Variants in GAPVD1 observed in about 807,000 individuals in gnomAD.
GAPVD1 encodes GTPase activating protein and VPS9 domains 1.
Under a neutral mutation model 155.5 loss-of-function variants are expected in GAPVD1, and 35 were observed. The ratio of observed to expected loss-of-function variants is 0.23; its 90% CI spans 0.17 to 0.30. The LOEUF (loss-of-function observed/expected upper bound fraction) is 0.30. Among genes scored for constraint, GAPVD1 ranks in the 10% least tolerant of loss-of-function variants. The pLI, the probability that GAPVD1 is intolerant of heterozygous loss-of-function variation, is 1.00. For synonymous variants in GAPVD1, 636 were observed against 619.7 expected (o/e 1.03, Z -0.39); for missense variants, 1,429 against 1,775.7 (o/e 0.80, Z 3.51).
chr9:125,347,258 G>A (rs556859606), intron 20 of GAPVD1, among the ~76,000 whole-genome samples: 178 of 152,182 alleles, frequency 1.2e-3, no homozygotes, highest in African/African-American at 4.0e-3. Flanking sequence ...ATTTTATCCA[G>A]TTATGCACTC....
chr9:125,296,198 A>T (rs865921441), intron 3 of GAPVD1, among the ~76,000 whole-genome samples: 12 of 142,976 alleles, frequency 8.4e-5, no homozygotes, highest in Non-Finnish European at 1.1e-4. Context: ...TTTTTTTTTG[A>T]GAGAGAGTCT....
At chr9:125,263,119 TAAAAG>T (rs1588455636) in intron 1 of GAPVD1, among the ~76,000 whole-genome samples, 1 of 152,188 alleles carries the variant, frequency 6.6e-6, no homozygotes, top group Admixed American at 6.5e-5. Flanking sequence ...ATTATGCACT[TAAAAG>T]AAATCTGAGA....
At chr9:125,349,644 G>C (rs1186571381) in intron 21 of GAPVD1, 125 bp downstream of exon 21, 1 of 766,500 alleles carries the variant, frequency 1.3e-6, no homozygotes, top group Non-Finnish European at 2.1e-6. Flanking sequence ...ATGAAATGCT[G>C]TTTACTAAGA....
At chr9:125,304,911 G>C in intron 5 of GAPVD1, 152 bp from the exon 6 acceptor site, 2 of 458,456 alleles carry the variant, frequency 4.4e-6, no homozygotes, top group Non-Finnish European at 8.0e-6. Context: ...CACATTTTTT[G>C]GGGGATACTA....
chr9:125,308,196 C>T (rs1842142718), intron 8 of GAPVD1: 5 of 407,690 alleles, frequency 1.2e-5, no homozygotes, highest in South Asian at 1.1e-4. Context: ...CTATGTAGCC[C>T]TCAGCCTGGT....
chr9:125,265,953 C>T (rs907738102), intron 1 of GAPVD1, among the ~76,000 whole-genome samples: 2 of 145,442 alleles, frequency 1.4e-5, no homozygotes, highest in Non-Finnish European at 3.0e-5. Flanking sequence ...AAACTGCTAC[C>T]GGTTACTGTT....
chr9:125,333,231 C>T (rs1371248362), intron 15 of GAPVD1, among the ~76,000 whole-genome samples: 1 of 151,898 alleles, frequency 6.6e-6, no homozygotes, highest in East Asian at 1.9e-4. Flanking sequence ...CAGGCACCCA[C>T]CACCACGCCC....
At chr9:125,287,557 G>C (rs563514) in intron 2 of GAPVD1, among the ~76,000 whole-genome samples, 136 of 152,260 alleles carry the variant, frequency 8.9e-4, no homozygotes, top group African/African-American at 3.2e-3. Context: ...GCAGGAGCAG[G>C]AAAGTTTATG....
At chr9:125,282,302 T>C (rs1836920456) in intron 2 of GAPVD1, among the ~76,000 whole-genome samples, 1 of 152,086 alleles carries the variant, frequency 6.6e-6, no homozygotes, top group African/African-American at 2.4e-5. Flanking sequence ...ATAAAAAGTT[T>C]TAATTTTTAT....
chr9:125,331,802 T>C, intron 13 of GAPVD1, 124 bp from the exon 14 acceptor site: 1 of 802,536 alleles, frequency 1.2e-6, no homozygotes, highest in South Asian at 1.6e-5. Context: ...AGTCCAGACT[T>C]ACACATGTAT....
intron 19 of GAPVD1, among the ~76,000 whole-genome samples, chr9:125,344,989 A>G (rs1034270993): frequency 1.2e-4 from 18 of 152,018 alleles, no homozygotes; most frequent in Admixed American, 4.6e-4. Flanking sequence ...TCTATATACA[A>G]TTGTCCTTCA....
intron 24 of GAPVD1, 91 bp downstream of exon 24, chr9:125,354,932 A>G (rs1209391726): frequency 2.3e-6 from 2 of 855,904 alleles, no homozygotes; most frequent in East Asian, 2.5e-5. Context: ...AGTTTGTTCA[A>G]GTATCTGCAT....
rs887637092 is a variant in GAPVD1, at chr9:125,362,854, A to C, written c.*108A>C. ...TGAAGATTGTTTTGTATGATACTGC[A>C]CAGCATCAGGCATTTTAAAGCAGAT... On this transcript the variant is annotated 3_prime_UTR_variant, in exon 28 of 28. Coordinates refer to ENST00000297933, the MANE Select transcript of GAPVD1 (RefSeq NM_001282680.3). 23 of 900,230 alleles carry C rather than the reference A, an allele frequency of 2.6e-5. No individual in the cohort carries two copies. In the Admixed American group the frequency reaches 6.2e-4, roughly 24 times the overall value. 55.8% of individuals were successfully genotyped at this position (900,230 alleles called of 1,614,324 possible). A position where few individuals can be genotyped will look rare whatever the true frequency, so the allele number is the denominator to read the frequency against.
chr9:125,262,859 G>A (rs1833159256), intron 1 of GAPVD1, among the ~76,000 whole-genome samples: 1 of 152,154 alleles, frequency 6.6e-6, no homozygotes, highest in Non-Finnish European at 1.5e-5. Flanking sequence ...AGCCAGAGTA[G>A]CATTAGCAGC....
intron 16 of GAPVD1, 25 bp from the exon 17 acceptor site, chr9:125,337,196 C>G (rs1376568302): frequency 6.2e-7 from 1 of 1,612,234 alleles, no homozygotes; most frequent in East Asian, 2.2e-5. Flanking sequence ...GTCTCAGTTA[C>G]AAAACTTTTT....
chr9:125,305,366 A>T, intron 6 of GAPVD1, among the ~76,000 whole-genome samples: 1 of 145,238 alleles, frequency 6.9e-6, no homozygotes, highest in African/African-American at 2.6e-5. Context: ...ATTTTATTTT[A>T]AAAAGTTTTT....
chr9:125,300,670 A>G (rs1399442041), intron 4 of GAPVD1, among the ~76,000 whole-genome samples: 1 of 152,070 alleles, frequency 6.6e-6, no homozygotes, highest in Non-Finnish European at 1.5e-5. Context: ...GGGCACGTGA[A>G]AGCGTTCTTG....
At chr9:125,327,333 AT>A (rs1402975199) in intron 12 of GAPVD1, among the ~76,000 whole-genome samples, 1 of 151,966 alleles carries the variant, frequency 6.6e-6, no homozygotes, top group Non-Finnish European at 1.5e-5. Flanking sequence ...ATCATGGAAA[AT>A]TTATTGATAT....
In GAPVD1 at chr9:125,366,992, T is replaced by A. The variant is rs1851500577; in HGVS notation, c.*4246T>A. 6.6e-6 allele frequency: 1 copy of A among 152,210 alleles called. No individual in the cohort carries two copies. Among genetic ancestry groups the A allele is most frequent in the Non-Finnish European group, 1.5e-5 (1 of 68,052 alleles). 9.4% of individuals were successfully genotyped at this position (152,210 alleles called of 1,614,324 possible). On this transcript the variant is annotated 3_prime_UTR_variant, in exon 28 of 28. Coordinates refer to ENST00000297933, the MANE Select transcript of GAPVD1 (RefSeq NM_001282680.3). ...GGGGAATTCACCTCTGTCAAATTAATACTCTCCTGTCTACTGGATTCTTCT... is the reference window on the plus strand; with the variant it reads ...GGGGAATTCACCTCTGTCAAATTAAAACTCTCCTGTCTACTGGATTCTTCT...
Sources: allele counts gnomAD v4.1 joint callset (sites outside exome capture counted in the v4.1 genomes callset), GRCh38; gene constraint gnomAD v4.1.1; transcripts MANE v1.5; gene names NCBI Gene and HGNC (gene_info 2026-07-23, HGNC 2026-07-21).